The following MTMR2 variants were observed in gnomAD, a reference collection of about 807,000 sequenced individuals.
MTMR2 encodes phosphatidylinositol-3,5-bisphosphate 3-phosphatase MTMR2.
In MTMR2, 55 loss-of-function variants were observed where a neutral mutation model predicts 86.9. That is an observed-to-expected ratio of 0.63 (90% confidence interval 0.51 to 0.79). MTMR2 has a LOEUF of 0.79. Among genes scored for constraint, MTMR2 ranks in the 30% least tolerant of loss-of-function variants. The pLI is 0.00. For missense variants in MTMR2, 659 were observed against 772.3 expected (o/e 0.85, Z 1.74); for synonymous variants, 241 against 266.8 (o/e 0.90, Z 0.94).
intron 1 of MTMR2, among the ~76,000 whole-genome samples, chr11:95,900,547 C>G (rs193196848): frequency 3.3e-5 from 5 of 152,102 alleles, no homozygotes; most frequent in Non-Finnish European, 7.4e-5. Context: ...TATGGAGGCA[C>G]GGACTGCCTC....
intron 1 of MTMR2, among the ~76,000 whole-genome samples, chr11:95,907,602 C>T (rs1346144550): frequency 6.6e-6 from 1 of 152,040 alleles, no homozygotes; most frequent in African/African-American, 2.4e-5. Context: ...AACATAGCTG[C>T]AAAAATCCTT....
chr11:95,923,878 G>A lies in MTMR2; in HGVS notation c.77C>T (p.Ser26Phe), dbSNP rs1295900396. 8.4e-6 allele frequency: 13 copies of A among 1,553,966 alleles called. No homozygotes were observed. The highest frequency in any genetic ancestry group is 1.1e-5 in the Non-Finnish European group (13 of 1,148,786). The change falls in exon 1 of 15, where the codon TCC (serine) becomes TTC (phenylalanine). Residue 26 changes from serine to phenylalanine, a missense_variant. Coordinates refer to ENST00000346299, the MANE Select transcript of MTMR2 (RefSeq NM_016156.6). ...GGGCCCTGGGCGTCCTGGTTACCTG[G>A]ACAAGGAGTCCACGCTGGGCGGCCG... ...AARPPSVDSL[S>F]SASTSHSENS...
At chr11:95,869,814 A>G (rs1864784095) in intron 2 of MTMR2, among the ~76,000 whole-genome samples, 1 of 146,854 alleles carries the variant, frequency 6.8e-6, no homozygotes, top group Non-Finnish European at 1.5e-5. Flanking sequence ...TCCATATCGT[A>G]TGGGTCCATT....
chr11:95,849,921 A>G, intron 8 of MTMR2, 59 bp from the exon 9 acceptor site: 1 of 1,454,342 alleles, frequency 6.9e-7, no homozygotes, highest in Middle Eastern at 1.7e-4. Context: ...ATAATTCTCA[A>G]AAACAGTACT....
intron 1 of MTMR2, among the ~76,000 whole-genome samples, chr11:95,918,112 A>G (rs1866776036): frequency 6.6e-6 from 1 of 152,252 alleles, no homozygotes; most frequent in Admixed American, 6.5e-5. Context: ...CTCAAGTAAT[A>G]GTTTTACAGT....
chr11:95,867,224 G>A (rs768294357), intron 2 of MTMR2, among the ~76,000 whole-genome samples: 4 of 152,094 alleles, frequency 2.6e-5, no homozygotes, highest in Admixed American at 2.0e-4. Context: ...GAAATACAAC[G>A]TTTATGTCAC....
At chr11:95,875,409 T>C (rs1199678584) in intron 2 of MTMR2, among the ~76,000 whole-genome samples, 5 of 152,194 alleles carry the variant, frequency 3.3e-5, no homozygotes, top group Admixed American at 3.3e-4. Flanking sequence ...GCTTGTGCAT[T>C]CGTCACGTAG....
intron 2 of MTMR2, among the ~76,000 whole-genome samples, chr11:95,872,564 G>T (rs897616979): frequency 6.6e-6 from 1 of 152,186 alleles, no homozygotes; most frequent in African/African-American, 2.4e-5. Flanking sequence ...TGCAAACAGG[G>T]ACAATTTGAC....
chr11:95,899,595 C>T (rs1016794285), intron 1 of MTMR2, among the ~76,000 whole-genome samples: 1 of 150,556 alleles, frequency 6.6e-6, no homozygotes, highest in African/African-American at 2.5e-5. Flanking sequence ...TCCTTTTTAA[C>T]TGTCTATGAA....
intron 1 of MTMR2, among the ~76,000 whole-genome samples, chr11:95,900,649 G>C (rs1438990961): frequency 6.6e-6 from 1 of 151,456 alleles, no homozygotes; most frequent in South Asian, 2.1e-4. Flanking sequence ...TAGGTTCAAA[G>C]CCAATCCTTC....
At chr11:95,906,874 A>G (rs1213388044) in intron 1 of MTMR2, among the ~76,000 whole-genome samples, 3 of 152,220 alleles carry the variant, frequency 2.0e-5, no homozygotes, top group Non-Finnish European at 4.4e-5. Flanking sequence ...ACATCGCTAA[A>G]GCAGTGTTAA....
At chr11:95,920,421 C>T (rs543701415) in intron 1 of MTMR2, among the ~76,000 whole-genome samples, 2 of 152,076 alleles carry the variant, frequency 1.3e-5, no homozygotes, top group Admixed American at 1.3e-4. Context: ...AATTCTGGTA[C>T]CTCAGCCTCC....
At chr11:95,877,889 T>C (rs557845522) in intron 2 of MTMR2, among the ~76,000 whole-genome samples, 9 of 152,174 alleles carry the variant, frequency 5.9e-5, no homozygotes, top group Non-Finnish European at 1.3e-4. Flanking sequence ...GCTCCAGAAC[T>C]ATGAAAGAAT....
intron 2 of MTMR2, among the ~76,000 whole-genome samples, chr11:95,868,303 A>AAAAAAAAAAAAAAAAAAAAAAAAG (rs1565362661): frequency 1.5e-5 from 1 of 68,350 alleles, no homozygotes; most frequent in South Asian, 3.9e-4. Context: ...AAAAAAAAAG[A>AAAAAAAAAAAAAAAAAAAAAAAAG]AAGAAAAAGA....
At position 95,834,304 on chromosome 11, in the gene MTMR2, G is replaced by T. The variant is rs375699537; in HGVS notation, c.*986C>A. ...GATTGTAATACATCTTTTACATGCA[G>T]TGTGTTCTTTGGTAGACTTAATCGT... On this transcript the variant is annotated 3_prime_UTR_variant, in exon 15 of 15. Transcript: ENST00000346299. 4.6e-5 allele frequency: 7 copies of T among 152,546 alleles called. No homozygotes were observed. In the South Asian group the frequency reaches 1.2e-3, roughly 27 times the overall value. 9.4% of individuals were successfully genotyped at this position (152,546 alleles called of 1,614,324 possible).
At chr11:95,886,447 AT>A (rs1186231384) in intron 2 of MTMR2, among the ~76,000 whole-genome samples, 3 of 152,174 alleles carry the variant, frequency 2.0e-5, no homozygotes, top group African/African-American at 7.2e-5. Context: ...ACTATTTATG[AT>A]ATTCATGGTG....
intron 1 of MTMR2, among the ~76,000 whole-genome samples, chr11:95,913,913 TA>T (rs1275585415): frequency 1.4e-4 from 22 of 152,172 alleles, no homozygotes; most frequent in Admixed American, 1.4e-3. Flanking sequence ...CCTTAGTATC[TA>T]TAACATTTTG....
At chr11:95,919,361 G>A (rs151074846) in intron 1 of MTMR2, among the ~76,000 whole-genome samples, 22 of 152,184 alleles carry the variant, frequency 1.4e-4, no homozygotes, top group African/African-American at 5.3e-4. Flanking sequence ...CTTTGAGTAT[G>A]TGTACCCCCC....
chr11:95,921,781 T>C (rs934681863), intron 1 of MTMR2, among the ~76,000 whole-genome samples: 1 of 152,220 alleles, frequency 6.6e-6, no homozygotes, highest in Admixed American at 6.5e-5. Flanking sequence ...ATCATACTTA[T>C]ATTTTTGTCC....
Sources: allele counts gnomAD v4.1 joint callset (sites outside exome capture counted in the v4.1 genomes callset), GRCh38; gene constraint gnomAD v4.1.1; transcripts MANE v1.5; gene names NCBI Gene and HGNC (gene_info 2026-07-23, HGNC 2026-07-21).